CNGA2: variants seen among roughly 807,000 people sequenced by gnomAD.
The protein encoded by CNGA2 is cyclic nucleotide gated channel subunit alpha 2.
CNGA2 carries 22 observed loss-of-function variants against 35.9 expected under a neutral mutation model. The observed-to-expected ratio is 0.61, with a 90% CI of 0.44 to 0.88. CNGA2 has a LOEUF of 0.88. CNGA2 is among the 40% of genes least tolerant of loss of function. CNGA2 has a pLI of 0.00. For missense variants in CNGA2, 555 were observed against 530.8 expected (o/e 1.05, Z -0.45); for synonymous variants, 217 against 209.2 (o/e 1.04, Z -0.32).
At chrX:151,741,043 T>A in intron 5 of CNGA2, 142 bp downstream of exon 5, 1 of 478,615 alleles carries the variant, frequency 2.1e-6, no homozygotes, top group South Asian at 3.1e-5. Flanking sequence ...TAATATGCCA[T>A]GAAGATTTCT....
chrX:151,743,905 C>T lies in CNGA2; in HGVS notation c.1402C>T (p.Leu468=). 1.7e-6 allele frequency: 2 copies of T among 1,211,179 alleles called. No homozygotes were observed. The highest frequency in any genetic ancestry group is 1.8e-5 in the South Asian group (1 of 56,923). The part of the protein sequence containing the change: ...CEAGLLVELV[L]KLRPQVFSPG... ...GGCTGGCCTGCTGGTAGAGCTGGTA[C>T]TGAAACTCCGTCCTCAGGTCTTCAG... The change falls in exon 7 of 7, where the codon CTG becomes TTG. Residue 468 remains leucine (L), a synonymous_variant. Coordinates refer to ENST00000329903, the MANE Select transcript of CNGA2 (RefSeq NM_005140.3).
In CNGA2 at chrX:151,743,834, T is replaced by C. The variant is rs367749104; in HGVS notation, c.1331T>C (p.Val444Ala). ...CTCAGGGCTGAGATAGCCATCAATG[T>C]CCACTTGTCCACACTCAAGAAAGTG... is the stretch of plus-strand genomic sequence containing the variant. The part of the protein sequence containing the change: ...AKLRAEIAIN[V>A]HLSTLKKVRI... The change falls in exon 7 of 7, where the codon GTC becomes GCC. Residue 444 changes from valine to alanine, a missense_variant. Coordinates refer to ENST00000329903, the MANE Select transcript of CNGA2 (RefSeq NM_005140.3). 1.1e-5 allele frequency: 13 copies of C among 1,211,661 alleles called. No individual in the cohort carries two copies. The highest frequency in any genetic ancestry group is 1.5e-5 in the Non-Finnish European group (13 of 895,530).
In CNGA2 at chrX:151,743,911, C is replaced by T. The variant is rs1478737457; in HGVS notation, c.1408C>T (p.Leu470Phe). The change falls in exon 7 of 7, where the codon CTC becomes TTC. Residue 470 changes from leucine to phenylalanine, a missense_variant. Transcript: ENST00000329903. ...CCTGCTGGTAGAGCTGGTACTGAAA[C>T]TCCGTCCTCAGGTCTTCAGTCCTGG... ...AGLLVELVLK[L>F]RPQVFSPGDY... 3.3e-6 allele frequency: 4 copies of T among 1,209,026 alleles called. No homozygotes were observed. The highest frequency in any genetic ancestry group is 4.4e-5 in the Admixed American group (2 of 45,613).
rs988108793 is a variant in CNGA2 at position 151,743,421 on chromosome X, C to G, written c.918C>G (p.Thr306=). 8.3e-7 allele frequency: 1 copy of G among 1,210,783 alleles called. No individual in the cohort carries two copies. The highest frequency in any genetic ancestry group is 1.1e-6 in the Non-Finnish European group (1 of 895,287). Residue 306 remains threonine, a synonymous_variant, in exon 7 of 7, where the codon ACC becomes ACG. Coordinates refer to ENST00000329903, the MANE Select transcript of CNGA2 (RefSeq NM_005140.3). ...AATCCATAGGCTTTGGGGTCGACAC[C>G]TGGGTTTACCCAAACATCACTGACC... ...ISKSIGFGVD[T]WVYPNITDPE... is the part of the protein sequence containing the mutation.
rs1229918045 is a variant in CNGA2 at position 151,738,721 on chromosome X, T to C, written c.111-66T>C. 1.5e-5 allele frequency: 16 copies of C among 1,098,753 alleles called. No individual in the cohort carries two copies. The South Asian group carries it at 1.9e-4, about 13-fold the overall frequency. 90.5% of individuals were successfully genotyped at this position (1,098,753 alleles called of 1,213,427 possible). ...AAAAAGAACATGGGATTTCTAAGCA[T>C]GACCCAGGAGGGGAGACAAGTCATG... On this transcript the variant is annotated intron_variant, in intron 2 of 6. Coordinates refer to ENST00000329903, the MANE Select transcript of CNGA2 (RefSeq NM_005140.3).
At chrX:151,742,925 G>GATATATATATATATATATATATATAT (rs34829464) in intron 6 of CNGA2, among the ~76,000 whole-genome samples, 168 bp from the exon 7 acceptor site, 2 of 61,442 alleles carry the variant, frequency 3.3e-5, no homozygotes, top group African/African-American at 2.0e-4. Context: ...TATAGGGAAG[G>GATATATATATATATATATATATATAT]ATATATATAT....
At position 151,744,997 on chromosome X, in the gene CNGA2, C is replaced by G. The variant is rs1436474561; in HGVS notation, c.*499C>G. ...AGGGTGCCCACTCAGGGTTATTCCT[C>G]CCCCATCAGATGCTCCAGCTCCTGC... On this transcript the variant is annotated 3_prime_UTR_variant, in exon 7 of 7. Transcript: ENST00000329903. 1.7e-5 allele frequency: 2 copies of G among 115,289 alleles called. No homozygotes were observed. The highest frequency in any genetic ancestry group is 3.6e-5 in the Non-Finnish European group (2 of 55,397). The allele number at this position is 115,289 out of a possible 1,213,427, so 9.5% of individuals were successfully genotyped here.
intron 1 of CNGA2, among the ~76,000 whole-genome samples, chrX:151,736,483 C>G (rs925186022): frequency 8.9e-6 from 1 of 112,083 alleles, no homozygotes; most frequent in Admixed American, 9.5e-5. Context: ...TGACACCAGG[C>G]TTCCAGCTTG....
intron 6 of CNGA2, among the ~76,000 whole-genome samples, 185 bp downstream of exon 6, chrX:151,742,827 T>C (rs1603010112): frequency 1.0e-5 from 1 of 98,115 alleles, no homozygotes; most frequent in East Asian, 3.2e-4. Flanking sequence ...CTTAGAGTCC[T>C]TCTGGCCAGC....
At chrX:151,738,379 C>G (rs1345696906) in intron 1 of CNGA2, 79 bp from the exon 2 acceptor site, 1 of 679,248 alleles carries the variant, frequency 1.5e-6, no homozygotes, top group Non-Finnish European at 2.3e-6. Context: ...TCTAATCCAT[C>G]CTGTTCACTT....
chrX:151,737,696 C>G (rs1156925548), intron 1 of CNGA2, among the ~76,000 whole-genome samples: 4 of 111,727 alleles, frequency 3.6e-5, no homozygotes, highest in African/African-American at 1.3e-4. Flanking sequence ...CTGCTCTGCG[C>G]AGAGGAGAGG....
rs145943840 is a variant in CNGA2, at chrX:151,744,944, T to C, written c.*446T>C. On this transcript the variant is annotated 3_prime_UTR_variant, in exon 7 of 7. Coordinates refer to ENST00000329903, the MANE Select transcript of CNGA2 (RefSeq NM_005140.3). Reference sequence around the variant, plus strand: ...CTGTCTCCCACGACAGGCCAAGGGATGTGATAGTGTTGTTGGGAGGGGGTA... The same window carrying C: ...CTGTCTCCCACGACAGGCCAAGGGACGTGATAGTGTTGTTGGGAGGGGGTA... 882 of 123,859 alleles carry C rather than the reference T, an allele frequency of 7.1e-3. 9 individuals carry two copies. The highest frequency in any genetic ancestry group is 0.026 in the African/African-American group (826 of 31,375). The allele number at this position is 123,859 out of a possible 1,213,427, so 10.2% of individuals were successfully genotyped here.
Position 151,743,652 on chromosome X carries a change from A to G in CNGA2, c.1149A>G (p.Ala383=). The change falls in exon 7 of 7, where the codon GCA becomes GCG. Residue 383 remains alanine (A), a synonymous_variant. Coordinates refer to ENST00000329903, the MANE Select transcript of CNGA2 (RefSeq NM_005140.3). ...TCTCCAACATGAATGCCACCCGGGC[A>G]GAGTTCCAGGCTAAGATCGATGCCG... The part of the protein sequence containing the change: ...SMISNMNATR[A]EFQAKIDAVK... 8.3e-7 allele frequency: 1 copy of G among 1,211,988 alleles called. No individual in the cohort carries two copies. The highest frequency in any genetic ancestry group is 1.8e-5 in the South Asian group (1 of 56,985).
At chrX:151,742,062 T>A (rs933497131) in intron 5 of CNGA2, among the ~76,000 whole-genome samples, 1 of 112,785 alleles carries the variant, frequency 8.9e-6, no homozygotes, top group African/African-American at 3.2e-5. Flanking sequence ...TTCCCACTAC[T>A]ATTCTCCCTC....
intron 5 of CNGA2, among the ~76,000 whole-genome samples, chrX:151,741,993 C>T (rs1025055047): frequency 8.9e-6 from 1 of 112,605 alleles, no homozygotes; most frequent in Non-Finnish European, 1.9e-5. Context: ...TCTCCCTACT[C>T]AGTTGCCAAA....
rs775918550 is a variant in CNGA2, at chrX:151,739,722, A to G, written c.364A>G (p.Lys122Glu). The change falls in exon 4 of 7, where the codon AAA (lysine) becomes GAA (glutamate). Residue 122 changes from lysine to glutamate, a missense_variant. Lys to Glu is a moderately conservative substitution (Grantham distance 56). Coordinates refer to ENST00000329903, the MANE Select transcript of CNGA2 (RefSeq NM_005140.3). ...DGKGDKDGED[K>E]GTKKKFELFV... ...CAAAGGCGACAAGGATGGCGAGGAC[A>G]AAGGCACCAAGTACAGCTGTTCAGC... 8.3e-6 allele frequency: 10 copies of G among 1,211,451 alleles called. 1 individual carries two copies. In the South Asian group the frequency reaches 1.8e-4, roughly 21 times the overall value.
chrX:151,736,979 A>G (rs1365762868), intron 1 of CNGA2, among the ~76,000 whole-genome samples: 2 of 111,367 alleles, frequency 1.8e-5, no homozygotes, highest in African/African-American at 6.5e-5. Context: ...CCAAGCAGGG[A>G]CTCAGTGATG....
chrX:151,736,660 G>T (rs1219238896), intron 1 of CNGA2, among the ~76,000 whole-genome samples: 1 of 110,850 alleles, frequency 9.0e-6, no homozygotes. Context: ...GCATGAGGGG[G>T]CAGTTTCTGG....
chrX:151,739,440 G>C, intron 3 of CNGA2, 122 bp from the exon 4 acceptor site: 1 of 787,362 alleles, frequency 1.3e-6, no homozygotes, highest in South Asian at 2.8e-5. Context: ...GGTCTGGCCT[G>C]TTTGTAGGTT....
Sources: gnomAD v4.1 joint callset for allele counts (sites outside exome capture counted in the v4.1 genomes callset) on GRCh38, gnomAD v4.1.1 for gene constraint, MANE v1.5 for transcripts, NCBI Gene and HGNC (gene_info 2026-07-23, HGNC 2026-07-21) for gene names.